PCDHA6: variants seen among roughly 807,000 people sequenced by gnomAD.
The protein encoded by PCDHA6 is protocadherin alpha-6.
PCDHA6 carries 55 observed loss-of-function variants against 60.3 expected under a neutral mutation model. That is an observed-to-expected ratio of 0.91 (90% CI 0.73 to 1.14). PCDHA6 has a LOEUF of 1.14. Among genes scored for constraint, PCDHA6 ranks in the 50% most tolerant of loss-of-function variants. PCDHA6 has a pLI of 0.00. For missense variants in PCDHA6, 1,327 were observed against 1,256.5 expected (o/e 1.06, Z -0.85); for synonymous variants, 652 against 557.9 (o/e 1.17, Z -2.38).
intron 1 of PCDHA6, among the ~76,000 whole-genome samples, chr5:140,833,813 C>T (rs1772668751): frequency 6.6e-6 from 1 of 152,104 alleles, no homozygotes. Flanking sequence ...TCTTGAGATC[C>T]TGGGTCCCTA....
chr5:140,888,324 T>C (rs1191192546), intron 1 of PCDHA6, among the ~76,000 whole-genome samples: 1 of 152,152 alleles, frequency 6.6e-6, no homozygotes, highest in East Asian at 1.9e-4. Flanking sequence ...CCTGGATACA[T>C]TTTTGGTTAT....
chr5:140,927,656 T>C (rs782201050), intron 1 of PCDHA6: 4 of 1,613,938 alleles, frequency 2.5e-6, no homozygotes, highest in Non-Finnish European at 3.4e-6. Flanking sequence ...TTATTCCGAG[T>C]TCAAGCCTTG....
At chr5:140,878,897 A>G (rs1366976155) in intron 1 of PCDHA6, among the ~76,000 whole-genome samples, 1 of 152,232 alleles carries the variant, frequency 6.6e-6, no homozygotes, top group Non-Finnish European at 1.5e-5. Context: ...GACTACAGGC[A>G]GGCTCCACCA....
chr5:140,876,642 A>G (rs908095775), intron 1 of PCDHA6: 10 of 1,614,024 alleles, frequency 6.2e-6, no homozygotes, highest in African/African-American at 1.3e-5. Context: ...GCTCACTGAC[A>G]CCTCATGTTC....
chr5:140,974,255 C>T (rs1049283311), intron 1 of PCDHA6, among the ~76,000 whole-genome samples: 1 of 152,186 alleles, frequency 6.6e-6, no homozygotes, highest in African/African-American at 2.4e-5. Flanking sequence ...CCATCAGTTC[C>T]TTTCTGGCCT....
chr5:140,872,582 G>A (rs535860760), intron 1 of PCDHA6, among the ~76,000 whole-genome samples: 8 of 152,084 alleles, frequency 5.3e-5, no homozygotes, highest in Non-Finnish European at 1.2e-4. Flanking sequence ...ACCTATCATC[G>A]TGAGACCCCC....
chr5:140,876,657 C>T (rs782518264), intron 1 of PCDHA6: 3 of 1,614,228 alleles, frequency 1.9e-6, no homozygotes, highest in East Asian at 4.5e-5. Flanking sequence ...ATGTTCCCTT[C>T]AAGCTGGTGT....
In PCDHA6 at chr5:140,852,660, A is replaced by G. The variant is rs2150521293; in HGVS notation, c.2394+22175A>G. The G allele has an allele frequency of 3.6e-4, 348 of 965,166 alleles. 29 individuals carry two copies. The highest frequency in any genetic ancestry group is 4.1e-4 in the Non-Finnish European group (328 of 799,632). 59.8% of individuals were successfully genotyped at this position (965,166 alleles called of 1,614,324 possible). A position where few individuals can be genotyped will look rare whatever the true frequency, so the allele number is the denominator to read the frequency against. On this transcript the variant is annotated intron_variant, in intron 1 of 3. Coordinates refer to ENST00000529310, the MANE Select transcript of PCDHA6 (RefSeq NM_018909.4). Reference sequence around the variant, plus strand: ...TCATTAAACCTATCTATATCTGTCTATCAGCACAACTCACCTTGAATATAG... The same window carrying G: ...TCATTAAACCTATCTATATCTGTCTGTCAGCACAACTCACCTTGAATATAG...
intron 1 of PCDHA6, among the ~76,000 whole-genome samples, chr5:140,918,556 G>A (rs1584104800): frequency 2.0e-5 from 3 of 152,302 alleles, no homozygotes; most frequent in Non-Finnish European, 4.4e-5. Context: ...CAATTGAGAA[G>A]AATGTATATT....
intron 1 of PCDHA6, among the ~76,000 whole-genome samples, chr5:140,965,863 A>T (rs1275095146): frequency 6.6e-6 from 1 of 152,218 alleles, no homozygotes; most frequent in Non-Finnish European, 1.5e-5. Flanking sequence ...ACTGAAAATA[A>T]GGGCCACTTG....
In PCDHA6 at chr5:141,011,200, A is replaced by C. The variant is rs1242625146; in HGVS notation, c.*1263A>C. 6.5e-6 allele frequency: 1 copy of C among 153,774 alleles called. No individual in the cohort carries two copies. Among genetic ancestry groups the C allele is most frequent in the Non-Finnish European group, 1.5e-5 (1 of 68,036 alleles). The allele number at this position is 153,774 out of a possible 1,614,324, so 9.5% of individuals were successfully genotyped here. ...AATTGAAGAAAAATATTGTTTTCTCATACAGTGAGCAGATTTTTCAATCTA... is the reference window on the plus strand; with the variant it reads ...AATTGAAGAAAAATATTGTTTTCTCCTACAGTGAGCAGATTTTTCAATCTA... On this transcript the variant is annotated 3_prime_UTR_variant, in exon 4 of 4. Transcript: ENST00000529310.
chr5:140,828,509 GTGC>G lies in PCDHA6; in HGVS notation c.421_423del (p.Leu141del). On this transcript the variant is annotated inframe_deletion, in exon 1 of 4. Transcript: ENST00000529310. ...CTTGTTCCCGGTAGAGGAACAAAGA[GTGC>G]TGATTTACGAATCTAGGCTGCCAGA... 1 of 1,614,278 alleles carries G rather than the reference GTGC, an allele frequency of 6.2e-7. No individual in the cohort carries two copies.
At chr5:140,884,354 G>A (rs2060118274) in intron 1 of PCDHA6, 1 of 1,613,952 alleles carries the variant, frequency 6.2e-7, no homozygotes, top group African/African-American at 1.3e-5. Context: ...GCTGGTGGAT[G>A]TCAATGTTTA....
chr5:140,855,994 G>A (rs941733432), intron 1 of PCDHA6: 1 of 1,498,182 alleles, frequency 6.7e-7, no homozygotes, highest in Non-Finnish European at 9.0e-7. Flanking sequence ...ATGTCAGATC[G>A]TATGTGCGTT....
chr5:140,848,546 G>A, intron 1 of PCDHA6: 1 of 1,595,440 alleles, frequency 6.3e-7, no homozygotes, highest in Non-Finnish European at 8.6e-7. Context: ...TACTGCTCTC[G>A]CTTCTGATCC....
At chr5:140,958,946 ATAT>A (rs34256413) in intron 1 of PCDHA6, among the ~76,000 whole-genome samples, 85,222 of 151,486 alleles carry the variant, frequency 0.56, 24,557 homozygotes, top group African/African-American at 0.69. Flanking sequence ...TAATAATATT[ATAT>A]TATTATAATT....
chr5:140,849,999 C>A, intron 1 of PCDHA6: 1 of 1,597,044 alleles, frequency 6.3e-7, no homozygotes, highest in East Asian at 2.2e-5. Flanking sequence ...GTTGGGCGAG[C>A]GCTCGCTGTC....
chr5:140,835,664 G>A (rs2150241207), intron 1 of PCDHA6: 1 of 1,613,934 alleles, frequency 6.2e-7, no homozygotes, highest in Non-Finnish European at 8.5e-7. Flanking sequence ...TGGTTACCGC[G>A]CGGGACGGGG....
chr5:140,892,993 C>T (rs2063771968), intron 1 of PCDHA6, among the ~76,000 whole-genome samples: 1 of 152,170 alleles, frequency 6.6e-6, no homozygotes, highest in Non-Finnish European at 1.5e-5. Flanking sequence ...TAAGTGAGAA[C>T]ATGTATTTAT....
Sources: allele counts gnomAD v4.1 joint callset (sites outside exome capture counted in the v4.1 genomes callset), GRCh38; gene constraint gnomAD v4.1.1; transcripts MANE v1.5; gene names NCBI Gene and HGNC (gene_info 2026-07-23, HGNC 2026-07-21).